Variants in DTYMK observed in about 807,000 individuals in gnomAD.
The protein encoded by DTYMK is deoxythymidylate kinase, also known as thymidylate kinase.
Under a neutral mutation model 20.3 loss-of-function variants are expected in DTYMK, and 20 were observed. The ratio of observed to expected loss-of-function variants is 0.99; its 90% confidence interval spans 0.69 to 1.43. The LOEUF (loss-of-function observed/expected upper bound fraction) is 1.43, where lower values mean the gene tolerates loss of function less well. DTYMK is among the 40% of genes most tolerant of loss of function. DTYMK has a pLI of 0.00. For synonymous variants in DTYMK, 148 were observed against 124.4 expected, an observed-to-expected ratio of 1.19 and a Z score of -1.27; for missense variants, 320 against 291.1, an observed-to-expected ratio of 1.10 and a Z score of -0.72.
chr2:241,685,656 C>T, intron 2 of DTYMK, 113 bp downstream of exon 2: 6 of 1,147,116 alleles, frequency 5.2e-6, no homozygotes, highest in Non-Finnish European at 7.6e-6. Context: ...AACAGAAGAA[C>T]ATCAGGCCCA....
intron 2 of DTYMK, among the ~76,000 whole-genome samples, chr2:241,683,575 A>G (rs376645946): frequency 2.0e-5 from 3 of 152,218 alleles, no homozygotes; most frequent in African/African-American, 7.2e-5. Context: ...GTCTTACCAC[A>G]TATTAAAGCA....
chr2:241,684,089 A>C lies in DTYMK; in HGVS notation c.239+1680T>G, dbSNP rs1276078985. On this transcript the variant is annotated intron_variant, in intron 2 of 4. Coordinates refer to ENST00000305784, the MANE Select transcript of DTYMK (RefSeq NM_012145.4). ...AACCAAAACAAAACAACAAAAAAAA[A>C]CTATCAAGCCACAGTTAGACATAGA... Among the ~76,000 whole-genome samples, 4 of 152,234 alleles carry C rather than the reference A, an allele frequency of 2.6e-5. No individual in the cohort carries two copies. The East Asian group carries it at 7.7e-4, about 29-fold the overall frequency.
At chr2:241,677,061 A>G (rs921723421) in intron 4 of DTYMK, among the ~76,000 whole-genome samples, 3 of 152,242 alleles carry the variant, frequency 2.0e-5, no homozygotes, top group South Asian at 2.1e-4. Flanking sequence ...TCTCCACCAG[A>G]AGGCAGGCAG....
Position 241,680,278 on chromosome 2 carries a change from A to G in DTYMK, c.281T>C (p.Val94Ala), listed in dbSNP as rs1191833954. The change falls in exon 3 of 5, where the codon GTC becomes GCC. Residue 94 changes from valine (V) to alanine (A), a missense_variant. Coordinates refer to ENST00000305784, the MANE Select transcript of DTYMK (RefSeq NM_012145.4). ...KEKLSQGVTLVVDRYAFSGVA... is the reference protein window; with the variant it reads ...KEKLSQGVTLAVDRYAFSGVA... ...ACCAGAAAATGCGTATCTGTCCACG[A>G]CGAGGGTCACGCCCTGGCTCAACTT... The G allele has an allele frequency of 6.2e-7, 1 of 1,614,180 alleles. No individual in the cohort carries two copies.
intron 2 of DTYMK, 95 bp from the exon 3 acceptor site, chr2:241,680,414 C>T: frequency 7.5e-7 from 1 of 1,330,202 alleles, no homozygotes; most frequent in Non-Finnish European, 1.1e-6. Flanking sequence ...CAGTGGCTCA[C>T]CCCTATAATC....
intron 2 of DTYMK, 24 bp from the exon 3 acceptor site, chr2:241,680,343 C>T (rs1214383430): frequency 6.2e-7 from 1 of 1,613,334 alleles, no homozygotes; most frequent in Non-Finnish European, 8.5e-7. Flanking sequence ...TGCTCCTGAG[C>T]CCTGGTCCTG....
In DTYMK at chr2:241,686,723, T is replaced by A. The variant is rs1575110871; in HGVS notation, c.61A>T (p.Thr21Ser). Residue 21 changes from threonine to serine, a missense_variant, in exon 1 of 5, where the codon ACG (threonine) becomes TCG (serine). Physicochemically the swap from Thr to Ser is moderately conservative, Grantham distance 58. Coordinates refer to ENST00000305784, the MANE Select transcript of DTYMK (RefSeq NM_012145.4). ...GCTTCCACCAGCTTGCGGCTCTGCG[T>A]GCTCTTCCCGGCGCGGTCCACGCCC... Reference protein sequence around the residue: ...LEGVDRAGKSTQSRKLVEALC... With the variant: ...LEGVDRAGKSSQSRKLVEALC... The A allele has an allele frequency of 6.5e-7, 1 of 1,546,346 alleles. No homozygotes were observed. Among genetic ancestry groups the A allele is most frequent in the African/African-American group, 1.4e-5 (1 of 70,314 alleles).
chr2:241,680,652 G>C (rs1168299311), intron 2 of DTYMK, among the ~76,000 whole-genome samples: 1 of 152,100 alleles, frequency 6.6e-6, no homozygotes, highest in Non-Finnish European at 1.5e-5. Flanking sequence ...CAGCCTGGGT[G>C]ACACAGCGAG....
At chr2:241,685,932 A>G in intron 1 of DTYMK, 55 bp from the exon 2 acceptor site, 1 of 1,552,428 alleles carries the variant, frequency 6.4e-7, no homozygotes, top group Non-Finnish European at 8.9e-7. Context: ...TTCCCTCTAT[A>G]TTACAATATA....
At chr2:241,679,334 C>G (rs1257764583) in intron 3 of DTYMK, among the ~76,000 whole-genome samples, 2 of 152,220 alleles carry the variant, frequency 1.3e-5, no homozygotes, top group Non-Finnish European at 2.9e-5. Context: ...GAGAACCTCC[C>G]ACAGAGCCTG....
chr2:241,681,234 G>A (rs1436624244), intron 2 of DTYMK, among the ~76,000 whole-genome samples: 4 of 152,206 alleles, frequency 2.6e-5, no homozygotes, highest in Non-Finnish European at 4.4e-5. Flanking sequence ...TCAAATCACA[G>A]GGGCACCCAC....
chr2:241,676,797 T>C (rs964104698), intron 4 of DTYMK, among the ~76,000 whole-genome samples: 10 of 152,228 alleles, frequency 6.6e-5, no homozygotes, highest in African/African-American at 2.4e-4. Flanking sequence ...TCGAGGTGAC[T>C]GTCCCTCCAG....
At chr2:241,683,498 C>G (rs1391037404) in intron 2 of DTYMK, among the ~76,000 whole-genome samples, 1 of 152,128 alleles carries the variant, frequency 6.6e-6, no homozygotes, top group East Asian at 1.9e-4. Flanking sequence ...ACATTTCTTC[C>G]AATGTGGCCC....
In DTYMK at chr2:241,678,490, A is replaced by T; in HGVS notation, c.490T>A (p.Phe164Ile). Residue 164 changes from phenylalanine (F) to isoleucine (I), a missense_variant, in exon 4 of 5, where the codon TTC becomes ATC. Transcript: ENST00000305784. ...GTCGTGTCTTTCATGAGCTGGTGGA[A>T]ACACCGGAGCGCCCGCTCCTGGAAA... ...GAFQERALRCFHQLMKDTTLN... is the reference protein window; with the variant it reads ...GAFQERALRCIHQLMKDTTLN... The T allele has an allele frequency of 6.2e-7, 1 of 1,614,174 alleles. No individual in the cohort carries two copies. Among genetic ancestry groups the T allele is most frequent in the Non-Finnish European group, 8.5e-7 (1 of 1,180,030 alleles).
At chr2:241,683,716 T>C (rs961973076) in intron 2 of DTYMK, among the ~76,000 whole-genome samples, 1 of 152,204 alleles carries the variant, frequency 6.6e-6, no homozygotes, top group African/African-American at 2.4e-5. Flanking sequence ...TAGTAGGTAA[T>C]GAACTATGGT....
At chr2:241,680,552 A>G (rs545858970) in intron 2 of DTYMK, among the ~76,000 whole-genome samples, 2 of 152,272 alleles carry the variant, frequency 1.3e-5, no homozygotes, top group East Asian at 3.9e-4. Flanking sequence ...AGGCACCTGT[A>G]ATCCCAGCTA....
At chr2:241,676,368 A>C in intron 4 of DTYMK, 131 bp from the exon 5 acceptor site, 2 of 788,062 alleles carry the variant, frequency 2.5e-6, no homozygotes, top group Non-Finnish European at 4.0e-6. Flanking sequence ...CCAGGAGTTC[A>C]AGACCAGCCT....
intron 2 of DTYMK, 73 bp downstream of exon 2, chr2:241,685,696 G>A: frequency 6.9e-7 from 1 of 1,451,450 alleles, no homozygotes; most frequent in South Asian, 1.1e-5. Context: ...TCAGAATCGA[G>A]TGCTGCGTTC....
chr2:241,685,825 A>C lies in DTYMK; in HGVS notation c.183T>G (p.Ser61Arg), dbSNP rs759330928. The C allele has an allele frequency of 4.3e-6, 7 of 1,614,194 alleles. No homozygotes were observed. In the East Asian group the frequency reaches 1.6e-4, roughly 36 times the overall value. The part of the protein sequence containing the change: ...KLLSSYLQKK[S>R]DVEDHSVHLL... The stretch of plus-strand genomic sequence containing the variant: ...GGTGCACCGAGTGATCCTCCACGTC[A>C]CTTTTCTTTTGCAAGTAGGAACTCA... Residue 61 changes from serine (S) to arginine (R), a missense_variant, in exon 2 of 5, where the codon AGT (serine) becomes AGG (arginine). Physicochemically the swap from Ser to Arg is moderately radical, Grantham distance 110. Transcript: ENST00000305784.
Sources: allele counts gnomAD v4.1 joint callset (sites outside exome capture counted in the v4.1 genomes callset), GRCh38; gene constraint gnomAD v4.1.1; transcripts MANE v1.5; gene names NCBI Gene and HGNC (gene_info 2026-07-23, HGNC 2026-07-21).